The following DOCK7 variants were observed in gnomAD, a reference collection of about 807,000 sequenced individuals.
DOCK7 encodes the protein dedicator of cytokinesis protein 7.
Under a neutral mutation model 271.0 loss-of-function variants are expected in DOCK7, and 138 were observed. That is an observed-to-expected ratio of 0.51 (90% CI 0.44 to 0.59). DOCK7 has a LOEUF of 0.59. DOCK7 is among the 20% of genes least tolerant of loss of function. The pLI is 0.00. For synonymous variants in DOCK7, 823 were observed against 876.1 expected, an observed-to-expected ratio of 0.94 and a Z score of 1.07; for missense variants, 2,066 against 2,592.4, an observed-to-expected ratio of 0.80 and a Z score of 4.41.
At chr1:62,541,881 A>C (rs1190778621) in intron 25 of DOCK7, among the ~76,000 whole-genome samples, 1 of 152,142 alleles carries the variant, frequency 6.6e-6, no homozygotes, top group South Asian at 2.1e-4. Flanking sequence ...AAAAGTACTT[A>C]AAAAATTTAA....
intron 14 of DOCK7, among the ~76,000 whole-genome samples, chr1:62,614,409 T>C (rs1209777520): frequency 6.6e-6 from 1 of 151,966 alleles, no homozygotes; most frequent in Non-Finnish European, 1.5e-5. Context: ...CAGCATCAAA[T>C]AGAATAAACA....
chr1:62,556,879 A>T (rs1388102147), intron 20 of DOCK7, among the ~76,000 whole-genome samples: 1 of 152,112 alleles, frequency 6.6e-6, no homozygotes, highest in African/African-American at 2.4e-5. Flanking sequence ...AACCTGAGCG[A>T]AGTTAAGCGA....
chr1:62,626,188 T>C (rs968340318), intron 11 of DOCK7, among the ~76,000 whole-genome samples: 4 of 152,058 alleles, frequency 2.6e-5, no homozygotes, highest in Non-Finnish European at 4.4e-5. Context: ...ATTTAAGATG[T>C]ATGAAAATGC....
intron 43 of DOCK7, chr1:62,485,210 T>C: frequency 1.0e-6 from 1 of 985,282 alleles, no homozygotes; most frequent in Non-Finnish European, 1.2e-6. Flanking sequence ...AAAATAAAAG[T>C]GAACACTAAA....
chr1:62,521,883 G>A (rs895243938), intron 31 of DOCK7, among the ~76,000 whole-genome samples: 3 of 152,142 alleles, frequency 2.0e-5, no homozygotes, highest in Admixed American at 6.6e-5. Context: ...GGCCAAGGCA[G>A]GAGAATGGCT....
chr1:62,671,881 G>T (rs571712184), intron 1 of DOCK7, among the ~76,000 whole-genome samples: 1 of 151,714 alleles, frequency 6.6e-6, no homozygotes, highest in South Asian at 2.1e-4. Flanking sequence ...TCTGCAAAGG[G>T]CTGGTTACAG....
intron 18 of DOCK7, among the ~76,000 whole-genome samples, chr1:62,566,963 C>T (rs1382403008): frequency 6.6e-6 from 1 of 152,180 alleles, no homozygotes; most frequent in Non-Finnish European, 1.5e-5. Context: ...CATCACTGAT[C>T]AATAGAGAAA....
At chr1:62,487,495 A>G (rs1183000901) in intron 42 of DOCK7, 83 bp from the exon 43 acceptor site, 16 of 1,229,078 alleles carry the variant, frequency 1.3e-5, no homozygotes, top group African/African-American at 4.5e-5. Flanking sequence ...CATATACCAT[A>G]AATTCTTCTC....
chr1:62,476,820 T>G (rs1044718761), intron 44 of DOCK7, among the ~76,000 whole-genome samples: 6 of 152,178 alleles, frequency 3.9e-5, no homozygotes, highest in Non-Finnish European at 8.8e-5. Context: ...TATAATTGAG[T>G]AAGTCTCAAT....
At chr1:62,500,903 G>T (rs1182703371) in intron 37 of DOCK7, among the ~76,000 whole-genome samples, 1 of 152,154 alleles carries the variant, frequency 6.6e-6, no homozygotes, top group Non-Finnish European at 1.5e-5. Flanking sequence ...TGGGTGCAAT[G>T]GTTACTGCCT....
At chr1:62,537,401 C>T (rs1281378565) in intron 28 of DOCK7, among the ~76,000 whole-genome samples, 1 of 152,064 alleles carries the variant, frequency 6.6e-6, no homozygotes, top group Non-Finnish European at 1.5e-5. Context: ...GGACAACCAA[C>T]ATGGTGAAAC....
At chr1:62,540,399 C>T (rs965900730) in intron 25 of DOCK7, among the ~76,000 whole-genome samples, 1 of 152,080 alleles carries the variant, frequency 6.6e-6, no homozygotes, top group Non-Finnish European at 1.5e-5. Flanking sequence ...TCTCAAACTC[C>T]TGGCCTCAAG....
rs915110923 is a variant in DOCK7, at chr1:62,619,834, A to G, written c.1519+66T>C. The G allele has an allele frequency of 2.2e-5, 22 of 980,634 alleles. No homozygotes were observed. In the African/African-American group the frequency reaches 3.5e-4, roughly 16 times the overall value. The allele number at this position is 980,634 out of a possible 1,614,324, so 60.7% of individuals were successfully genotyped here. ...AAATAAAAAAAAAAGATACATAATT[A>G]TAAGCAATACAACATAGTAGTGATA... On this transcript the variant is annotated intron_variant, in intron 13 of 49. Transcript: ENST00000635253.
chr1:62,472,882 G>T (rs1268516030), intron 48 of DOCK7, among the ~76,000 whole-genome samples: 1 of 152,148 alleles, frequency 6.6e-6, no homozygotes, highest in Non-Finnish European at 1.5e-5. Context: ...CTCCAATGAG[G>T]TTCCCTACAA....
At chr1:62,540,775 G>C (rs1645502823) in intron 25 of DOCK7, among the ~76,000 whole-genome samples, 1 of 152,108 alleles carries the variant, frequency 6.6e-6, no homozygotes, top group South Asian at 2.1e-4. Context: ...GCACAGCCAA[G>C]TTTTAAATTG....
chr1:62,472,040 A>G lies in DOCK7; in HGVS notation c.6212+1942T>C, dbSNP rs1236805037. On this transcript the variant is annotated intron_variant, in intron 48 of 49. Coordinates refer to ENST00000635253, the MANE Select transcript of DOCK7 (RefSeq NM_001367561.1). Reference sequence around the variant, plus strand: ...AAAAATAAAAAATGTAGTATTGGCTATAACTCCTTTGTAAGGTTTATATTA... The same window carrying G: ...AAAAATAAAAAATGTAGTATTGGCTGTAACTCCTTTGTAAGGTTTATATTA... Among the ~76,000 whole-genome samples, 4 of 152,154 alleles carry G rather than the reference A, an allele frequency of 2.6e-5. No homozygotes were observed. The East Asian group carries it at 7.7e-4, about 29-fold the overall frequency.
chr1:62,602,346 G>A, intron 14 of DOCK7: 1 of 1,610,854 alleles, frequency 6.2e-7, no homozygotes, highest in Non-Finnish European at 8.5e-7. Flanking sequence ...ATGAAACGTG[G>A]GAGAACTACA....
At chr1:62,679,878 A>C (rs1660918627) in intron 1 of DOCK7, among the ~76,000 whole-genome samples, 1 of 152,210 alleles carries the variant, frequency 6.6e-6, no homozygotes, top group Admixed American at 6.5e-5. Flanking sequence ...CTGCTCAACG[A>C]AATAAAAGAG....
rs953150382 is a variant in DOCK7 at position 62,503,191 on chromosome 1, A to G, written c.4764+1439T>C. ...CAGTAATAGGCTTTAATTTACTTCT[A>G]CCAAGTGAAACAAAAACAAGGATAT... On this transcript the variant is annotated intron_variant, in intron 37 of 49. Transcript: ENST00000635253. Among the ~76,000 whole-genome samples the G allele has an allele frequency of 3.3e-5, 5 of 152,052 alleles. No homozygotes were observed. The South Asian group carries it at 6.2e-4, about 19-fold the overall frequency.
Sources: allele counts gnomAD v4.1 joint callset (sites outside exome capture counted in the v4.1 genomes callset), GRCh38; gene constraint gnomAD v4.1.1; transcripts MANE v1.5; gene names NCBI Gene and HGNC (gene_info 2026-07-23, HGNC 2026-07-21).